Variants in CNTNAP5 observed in about 807,000 individuals in gnomAD.
CNTNAP5 encodes contactin associated protein family member 5, also known as contactin-associated protein-like 5.
CNTNAP5 carries 72 observed loss-of-function variants against 150.2 expected under a neutral mutation model. That is an observed-to-expected ratio of 0.48 (90% CI 0.40 to 0.58). CNTNAP5 has a LOEUF of 0.58. Among genes scored for constraint, CNTNAP5 ranks in the 20% least tolerant of loss-of-function variants. The pLI is 0.00. For synonymous variants in CNTNAP5, 672 were observed against 619.8 expected, an observed-to-expected ratio of 1.08 and a Z score of -1.25; for missense variants, 1,636 against 1,626.2, an observed-to-expected ratio of 1.01 and a Z score of -0.10.
intron 11 of CNTNAP5, among the ~76,000 whole-genome samples, chr2:124,573,889 T>C (rs1478478962): frequency 1.3e-5 from 2 of 152,236 alleles, no homozygotes; most frequent in Non-Finnish European, 2.9e-5. Context: ...ACAATTGTTA[T>C]GTGGATTAAA....
intron 3 of CNTNAP5, among the ~76,000 whole-genome samples, chr2:124,294,706 T>C (rs1688377897): frequency 6.6e-6 from 1 of 152,212 alleles, no homozygotes. Context: ...TACTGGAAGT[T>C]TTTAGACTAA....
rs532591423 is a variant in CNTNAP5, at chr2:124,149,395, G to A, written c.83-72310G>A. On this transcript the variant is annotated intron_variant, in intron 1 of 23. Transcript: ENST00000682447. The stretch of plus-strand genomic sequence containing the variant: ...AGCATACCATGTGTTCCAAGATGGC[G>A]TCAATTGCAAAAAAAAAAAAAAAAA... Among the ~76,000 whole-genome samples the A allele has an allele frequency of 1.5e-4, 15 of 99,376 alleles. No homozygotes were observed. The South Asian group carries it at 5.1e-3, about 34-fold the overall frequency. 65.2% of individuals were successfully genotyped at this position (99,376 alleles called of 152,430 possible). A position where few individuals can be genotyped will look rare whatever the true frequency, so the allele number is the denominator to read the frequency against.
intron 19 of CNTNAP5, among the ~76,000 whole-genome samples, chr2:124,804,342 G>A: frequency 6.6e-6 from 1 of 152,158 alleles, no homozygotes; most frequent in Non-Finnish European, 1.5e-5. Context: ...AGAAACAGTG[G>A]CATGCTTAGT....
At chr2:124,157,227 C>G (rs921997234) in intron 1 of CNTNAP5, among the ~76,000 whole-genome samples, 1 of 152,154 alleles carries the variant, frequency 6.6e-6, no homozygotes, top group East Asian at 1.9e-4. Context: ...CACCCTCTTC[C>G]CCTGGGTAGA....
chr2:124,833,643 A>G (rs1476007212), intron 19 of CNTNAP5, among the ~76,000 whole-genome samples: 3 of 152,184 alleles, frequency 2.0e-5, no homozygotes, highest in Non-Finnish European at 4.4e-5. Flanking sequence ...GCTTACATAG[A>G]GGTGGTGAGG....
chr2:124,251,580 A>G (rs569467165), intron 3 of CNTNAP5, among the ~76,000 whole-genome samples: 1 of 152,160 alleles, frequency 6.6e-6, no homozygotes, highest in East Asian at 1.9e-4. Flanking sequence ...TAGGGTATCA[A>G]GCATCTGTTA....
intron 3 of CNTNAP5, among the ~76,000 whole-genome samples, chr2:124,267,978 T>C (rs1390597078): frequency 6.6e-6 from 1 of 151,936 alleles, no homozygotes; most frequent in Non-Finnish European, 1.5e-5. Flanking sequence ...GCAGATGGAG[T>C]GAGAACACTT....
At chr2:124,804,255 TG>T (rs1426596982) in intron 19 of CNTNAP5, among the ~76,000 whole-genome samples, 1 of 152,146 alleles carries the variant, frequency 6.6e-6, no homozygotes, top group East Asian at 1.9e-4. Context: ...GGAAGGTCAA[TG>T]GATGATAAGG....
intron 3 of CNTNAP5, among the ~76,000 whole-genome samples, chr2:124,256,210 A>G (rs1687310984): frequency 6.6e-6 from 1 of 152,174 alleles, no homozygotes; most frequent in Non-Finnish European, 1.5e-5. Context: ...ATAATATATT[A>G]TATTGTCAAT....
At chr2:124,151,684 G>T (rs758585484) in intron 1 of CNTNAP5, among the ~76,000 whole-genome samples, 22 of 152,162 alleles carry the variant, frequency 1.4e-4, no homozygotes, top group Non-Finnish European at 2.6e-4. Flanking sequence ...GACAGATAAC[G>T]CAGGACCTAG....
chr2:124,573,659 C>T (rs532583685), intron 11 of CNTNAP5, among the ~76,000 whole-genome samples: 1 of 152,176 alleles, frequency 6.6e-6, no homozygotes, highest in South Asian at 2.1e-4. Flanking sequence ...AGATTAATTG[C>T]CAGAAAAATA....
intron 5 of CNTNAP5, among the ~76,000 whole-genome samples, chr2:124,441,221 A>G (rs143234722): frequency 6.6e-6 from 1 of 152,214 alleles, no homozygotes; most frequent in African/African-American, 2.4e-5. Flanking sequence ...TTTTTGGTTA[A>G]TTAATAAGTA....
intron 3 of CNTNAP5, among the ~76,000 whole-genome samples, chr2:124,395,392 G>GT (rs941647760): frequency 2.6e-5 from 4 of 152,076 alleles, no homozygotes; most frequent in Admixed American, 6.6e-5. Context: ...GTAGTTCTCA[G>GT]TTTCCTCATT....
intron 13 of CNTNAP5, among the ~76,000 whole-genome samples, chr2:124,742,204 C>G (rs921461321): frequency 6.6e-6 from 1 of 152,188 alleles, no homozygotes; most frequent in African/African-American, 2.4e-5. Context: ...ATGCAGTCTG[C>G]TCTGCCAAAT....
intron 7 of CNTNAP5, among the ~76,000 whole-genome samples, chr2:124,481,471 A>C (rs750910315): frequency 2.0e-5 from 3 of 152,200 alleles, no homozygotes; most frequent in African/African-American, 7.2e-5. Context: ...TAAAGTATTA[A>C]AGAAAATTTC....
intron 14 of CNTNAP5, among the ~76,000 whole-genome samples, chr2:124,748,225 G>C (rs1045557818): frequency 4.6e-5 from 7 of 152,062 alleles, no homozygotes; most frequent in African/African-American, 1.2e-4. Context: ...GCTTCTTAAT[G>C]TTGAGTAGTA....
chr2:124,493,963 A>ATACACACAC (rs199807584), intron 7 of CNTNAP5, among the ~76,000 whole-genome samples: 1 of 56,788 alleles, frequency 1.8e-5, no homozygotes, highest in Non-Finnish European at 4.1e-5. Flanking sequence ...GAAAACCATA[A>ATACACACAC]ATACACACAC....
chr2:124,070,591 A>G (rs1682281373), intron 1 of CNTNAP5, among the ~76,000 whole-genome samples: 1 of 152,020 alleles, frequency 6.6e-6, no homozygotes. Context: ...AACTGAAAAT[A>G]GAGACAAAGA....
At chr2:124,490,873 T>A (rs184409699) in intron 7 of CNTNAP5, among the ~76,000 whole-genome samples, 195 of 152,058 alleles carry the variant, frequency 1.3e-3, no homozygotes, top group African/African-American at 3.0e-3. Context: ...TTAAAAAAAA[T>A]TTTTTTTAAA....
Sources: gnomAD v4.1 joint callset for allele counts (sites outside exome capture counted in the v4.1 genomes callset) on GRCh38, gnomAD v4.1.1 for gene constraint, MANE v1.5 for transcripts, NCBI Gene and HGNC (gene_info 2026-07-23, HGNC 2026-07-21) for gene names.